The following SIL1 variants were observed in gnomAD, a reference collection of about 807,000 sequenced individuals.
The protein encoded by SIL1 is SIL1 nucleotide exchange factor, also known as nucleotide exchange factor SIL1.
SIL1 carries 40 observed loss-of-function variants against 49.1 expected under a neutral mutation model. The observed-to-expected ratio is 0.81, with a 90% CI of 0.63 to 1.06. SIL1 has a LOEUF of 1.06. SIL1 is among the 50% of genes least tolerant of loss of function. SIL1 has a pLI of 0.00. For missense variants in SIL1, 500 were observed against 572.6 expected (o/e 0.87, Z 1.29); for synonymous variants, 253 against 250.8 (o/e 1.01, Z -0.08).
chr5:138,960,457 C>G (rs1355777064), intron 7 of SIL1, among the ~76,000 whole-genome samples: 2 of 137,434 alleles, frequency 1.5e-5, no homozygotes, highest in Non-Finnish European at 3.0e-5. Flanking sequence ...TCACCTCACT[C>G]TGTCACCCAG....
At chr5:139,163,361 GT>G (rs112248382) in intron 1 of SIL1, among the ~76,000 whole-genome samples, 6 of 148,066 alleles carry the variant, frequency 4.1e-5, no homozygotes, top group African/African-American at 7.5e-5. Flanking sequence ...TCACTGTTTT[GT>G]TTTTTTTTCG....
chr5:139,190,695 A>C (rs1389258897), intron 1 of SIL1, among the ~76,000 whole-genome samples: 3 of 152,194 alleles, frequency 2.0e-5, no homozygotes, highest in African/African-American at 7.2e-5. Flanking sequence ...TATCAAATGC[A>C]AAATGGAGGC....
chr5:139,131,538 C>T (rs1302951497), intron 1 of SIL1: 1 of 152,208 alleles, frequency 6.6e-6, no homozygotes, highest in South Asian at 2.1e-4. Context: ...AGCAAAGGCT[C>T]GGGTACTAAA....
intron 3 of SIL1, among the ~76,000 whole-genome samples, chr5:139,116,221 G>A (rs541264085): frequency 2.5e-3 from 379 of 152,342 alleles, no homozygotes; most frequent in Non-Finnish European, 4.5e-3. Context: ...CTTATTGCTC[G>A]TGCAGATCTG....
intron 6 of SIL1, among the ~76,000 whole-genome samples, chr5:139,025,746 TG>T (rs1768632058): frequency 6.6e-6 from 1 of 152,138 alleles, no homozygotes. Context: ...TCTCTGCACA[TG>T]TTGTTTCCTC....
At chr5:139,197,789 G>A (rs1752306591) in intron 1 of SIL1, among the ~76,000 whole-genome samples, 1 of 152,134 alleles carries the variant, frequency 6.6e-6, no homozygotes, top group South Asian at 2.1e-4. Context: ...GCCCCTAGAC[G>A]ATCCGAGAGA....
intron 1 of SIL1, among the ~76,000 whole-genome samples, chr5:139,176,482 T>C (rs1410949567): frequency 6.6e-6 from 1 of 152,198 alleles, no homozygotes; most frequent in Non-Finnish European, 1.5e-5. Flanking sequence ...AGAACCAATT[T>C]CTATCTTAGT....
Position 139,145,680 on chromosome 5 carries a change from G to A in SIL1, c.-10-17827C>T, listed in dbSNP as rs867300714. ...TGTGTGTGTGTGTGTGTGTGTGTGT[G>A]TATTTCCAATGGAATATTATTCAGC... On this transcript the variant is annotated intron_variant, in intron 1 of 9. Transcript: ENST00000394817. Among the ~76,000 whole-genome samples, 566 of 113,960 alleles carry A rather than the reference G, an allele frequency of 5.0e-3. 4 individuals carry two copies. Among genetic ancestry groups the A allele is most frequent in the African/African-American group, 0.017 (545 of 32,042 alleles). The allele number at this position is 113,960 out of a possible 152,430, so 74.8% of individuals were successfully genotyped here.
chr5:139,084,192 TA>T (rs1770157589), intron 3 of SIL1, among the ~76,000 whole-genome samples: 1 of 151,896 alleles, frequency 6.6e-6, no homozygotes, highest in African/African-American at 2.4e-5. Flanking sequence ...GGTGGGACTG[TA>T]AACTAGTTCA....
chr5:139,147,247 T>A (rs1201779982), intron 1 of SIL1, among the ~76,000 whole-genome samples: 1 of 152,146 alleles, frequency 6.6e-6, no homozygotes, highest in Non-Finnish European at 1.5e-5. Flanking sequence ...CAAAGAGGTA[T>A]CTAATCTGTC....
At chr5:139,139,580 C>A (rs1034762104) in intron 1 of SIL1, among the ~76,000 whole-genome samples, 2 of 152,270 alleles carry the variant, frequency 1.3e-5, no homozygotes, top group African/African-American at 4.8e-5. Flanking sequence ...GGGCACCATA[C>A]TATGGAACAG....
At chr5:139,120,930 G>A (rs528636742) in intron 3 of SIL1, 105 bp downstream of exon 3, 126 of 1,421,428 alleles carry the variant, frequency 8.9e-5, no homozygotes, top group East Asian at 5.9e-4. Context: ...TTTCCCTCCC[G>A]CAGGCCAGAG....
intron 1 of SIL1, among the ~76,000 whole-genome samples, chr5:139,192,533 C>G (rs952496519): frequency 6.6e-6 from 1 of 152,244 alleles, no homozygotes; most frequent in Middle Eastern, 3.4e-3. Flanking sequence ...TGAAATGTGA[C>G]AAGGGCCAAA....
In SIL1 at chr5:139,193,328, C is replaced by G. The variant is rs542851421; in HGVS notation, c.-11+4941G>C. On this transcript the variant is annotated intron_variant, in intron 1 of 9. Coordinates refer to ENST00000394817, the MANE Select transcript of SIL1 (RefSeq NM_022464.5). The stretch of plus-strand genomic sequence containing the variant: ...CCTGTAATCCCAGCACTTTGGGAGA[C>G]TGAGGTGGGCAGATCACTTAAGGCC... Among the ~76,000 whole-genome samples, 6 of 152,288 alleles carry G rather than the reference C, an allele frequency of 3.9e-5. No individual in the cohort carries two copies. The East Asian group carries it at 1.2e-3, about 29-fold the overall frequency.
At chr5:139,170,863 G>A (rs1751745565) in intron 1 of SIL1, among the ~76,000 whole-genome samples, 1 of 150,686 alleles carries the variant, frequency 6.6e-6, no homozygotes, top group Non-Finnish European at 1.5e-5. Flanking sequence ...CCCCGTCCGG[G>A]AGGTGAGGGG....
chr5:139,028,735 G>C (rs1334126301), intron 5 of SIL1, among the ~76,000 whole-genome samples: 1 of 152,100 alleles, frequency 6.6e-6, no homozygotes, highest in Non-Finnish European at 1.5e-5. Context: ...ACCTTGTTTG[G>C]ATTTCACCAG....
Position 138,951,269 on chromosome 5 carries a change from C to G in SIL1, c.931G>C (p.Gly311Arg). Residue 311 changes from glycine to arginine, a missense_variant, in exon 9 of 10, where the codon GGG becomes CGG. Transcript: ENST00000394817. ...PYAQRQFLKL[G>R]GLQVLRTLVQ... ...AGGGTCCTCAGGACCTGCAGCCCCC[C>G]GAGCTTCAGGAACTGCCGCTGGGCA... The G allele has an allele frequency of 6.3e-7, 1 of 1,583,822 alleles. No homozygotes were observed.
At chr5:139,084,370 A>G (rs1391328345) in intron 3 of SIL1, among the ~76,000 whole-genome samples, 1 of 123,736 alleles carries the variant, frequency 8.1e-6, no homozygotes, top group African/African-American at 3.2e-5. Flanking sequence ...AATAGCAAAG[A>G]CTTGGAACCA....
intron 7 of SIL1, among the ~76,000 whole-genome samples, chr5:138,957,681 C>T (rs1247538849): frequency 1.3e-5 from 2 of 152,160 alleles, no homozygotes; most frequent in Non-Finnish European, 2.9e-5. Flanking sequence ...CCACAATTTT[C>T]TGTCTCTCTT....
Sources: allele counts gnomAD v4.1 joint callset (sites outside exome capture counted in the v4.1 genomes callset), GRCh38; gene constraint gnomAD v4.1.1; transcripts MANE v1.5; gene names NCBI Gene and HGNC (gene_info 2026-07-23, HGNC 2026-07-21).